WNT4: variants seen among roughly 807,000 people sequenced by gnomAD.
The protein encoded by WNT4 is protein Wnt-4.
WNT4 carries 16 observed loss-of-function variants against 34.5 expected under a neutral mutation model. The observed-to-expected ratio is 0.46, with a 90% CI of 0.31 to 0.70. The LOEUF is 0.70. WNT4 is among the 30% of genes least tolerant of loss of function. The pLI, the probability that WNT4 is intolerant of heterozygous loss-of-function variation, is 0.04. For missense variants in WNT4, 379 were observed against 495.9 expected, an observed-to-expected ratio of 0.76 and a Z score of 2.24; for synonymous variants, 200 against 211.9, an observed-to-expected ratio of 0.94 and a Z score of 0.49.
Position 22,134,643 on chromosome 1 carries a change from ATTCCTGCACGCAGGAGGCC to A in WNT4, c.78-4811_78-4793del, listed in dbSNP as rs1332634156. Among the ~76,000 whole-genome samples, 2 of 152,150 alleles carry A rather than the reference ATTCCTGCACGCAGGAGGCC, an allele frequency of 1.3e-5. No individual in the cohort carries two copies. The highest frequency in any genetic ancestry group is 2.9e-5 in the Non-Finnish European group (2 of 68,020). On this transcript the variant is annotated intron_variant, in intron 1 of 4. Transcript: ENST00000290167. The surrounding 1 kb of genome is among the most constrained non-coding windows in gnomAD (Gnocchi z 4.1). Reference sequence around the variant, plus strand: ...TCATCTGTAAAGTGGGGAGACTGGAATTCCTGCACGCAGGAGGCCTAAATGAATGAAATCTGTGTGCAGG... The same window carrying A: ...TCATCTGTAAAGTGGGGAGACTGGAATAAATGAATGAAATCTGTGTGCAGG...
chr1:22,130,569 G>A (rs1645975720), intron 1 of WNT4, among the ~76,000 whole-genome samples: 1 of 152,238 alleles, frequency 6.6e-6, no homozygotes, highest in Non-Finnish European at 1.5e-5. Flanking sequence ...TCTAGGGGTT[G>A]GCTGTGAAGA....
At chr1:22,141,126 G>A (rs1458283995) in intron 1 of WNT4, among the ~76,000 whole-genome samples, 1 of 152,170 alleles carries the variant, frequency 6.6e-6, no homozygotes, top group Non-Finnish European at 1.5e-5. Context: ...CTGAGTTTGG[G>A]CAAGTAGCTT....
chr1:22,117,527 T>G lies in WNT4; in HGVS notation c.*2523A>C, dbSNP rs1485706828. On this transcript the variant is annotated 3_prime_UTR_variant, in exon 5 of 5. Coordinates refer to ENST00000290167, the MANE Select transcript of WNT4 (RefSeq NM_030761.5). ...GCAGGATGTGGACCCTCTGGCCAAT[T>G]TCCAGGCCACGGTGAGGCCAAGAGG... 6.6e-6 allele frequency: 1 copy of G among 152,328 alleles called. No homozygotes were observed. The highest frequency in any genetic ancestry group is 2.4e-5 in the African/African-American group (1 of 41,442). 9.4% of individuals were successfully genotyped at this position (152,328 alleles called of 1,614,324 possible). A position where few individuals can be genotyped will look rare whatever the true frequency, so the allele number is the denominator to read the frequency against.
Position 22,140,466 on chromosome 1 carries a change from C to T in WNT4, c.77+2380G>A, listed in dbSNP as rs1043900451. ...GACCAAGTCCCCCTCTGTGCCTGCT[C>T]GGGCTCACACTCAGCTCTTTCCTCT... On this transcript the variant is annotated intron_variant, in intron 1 of 4. Coordinates refer to ENST00000290167, the MANE Select transcript of WNT4 (RefSeq NM_030761.5). The surrounding 1 kb of genome is among the most constrained non-coding windows in gnomAD (Gnocchi z 5.9). Among the ~76,000 whole-genome samples, 5 of 152,304 alleles carry T rather than the reference C, an allele frequency of 3.3e-5. No individual in the cohort carries two copies. Among genetic ancestry groups the T allele is most frequent in the African/African-American group, 7.2e-5 (3 of 41,574 alleles).
intron 1 of WNT4, among the ~76,000 whole-genome samples, chr1:22,138,655 G>C (rs766690120): frequency 6.6e-6 from 1 of 152,184 alleles, no homozygotes; most frequent in Non-Finnish European, 1.5e-5. Context: ...CCACGGAGGA[G>C]CTCTAAGGAG....
rs1238272354 is a variant in WNT4 at position 22,139,550 on chromosome 1, G to C, written c.77+3296C>G. On this transcript the variant is annotated intron_variant, in intron 1 of 4. Coordinates refer to ENST00000290167, the MANE Select transcript of WNT4 (RefSeq NM_030761.5). The surrounding 1 kb of genome is among the most constrained non-coding windows in gnomAD (Gnocchi z 4.6). ...ACCCGTGGGATTCTGCTAGAACCCC[G>C]CTACCCCACTACTTTCCTCAGAAAT... Among the ~76,000 whole-genome samples, 2 of 152,108 alleles carry C rather than the reference G, an allele frequency of 1.3e-5. No homozygotes were observed. The highest frequency in any genetic ancestry group is 4.1e-4 in the South Asian group (2 of 4,822).
Position 22,140,891 on chromosome 1 carries a change from C to T in WNT4, c.77+1955G>A, listed in dbSNP as rs1441270214. Among the ~76,000 whole-genome samples, 2 of 152,244 alleles carry T rather than the reference C, an allele frequency of 1.3e-5. No homozygotes were observed. Among genetic ancestry groups the T allele is most frequent in the Non-Finnish European group, 2.9e-5 (2 of 68,046 alleles). On this transcript the variant is annotated intron_variant, in intron 1 of 4. Coordinates refer to ENST00000290167, the MANE Select transcript of WNT4 (RefSeq NM_030761.5). This position sits in a 1 kb window ranked among gnomAD's most constrained non-coding sequence, Gnocchi z 5.9. ...TTCTCCTAGGCTGCCCCTCCTCACC[C>T]CACCCCCAACAGCACAGGCAGGAGA...
intron 2 of WNT4, among the ~76,000 whole-genome samples, chr1:22,124,538 C>T (rs1645926756): frequency 6.6e-6 from 1 of 152,220 alleles, no homozygotes; most frequent in African/African-American, 2.4e-5. Context: ...TTGCTATGTG[C>T]TGTCTAAGGC....
chr1:22,126,215 A>T (rs1012821553), intron 2 of WNT4, among the ~76,000 whole-genome samples: 1 of 152,152 alleles, frequency 6.6e-6, no homozygotes, highest in Non-Finnish European at 1.5e-5. Flanking sequence ...TTCACTGTCC[A>T]TCTTGCCTCC....
intron 3 of WNT4, 36 bp downstream of exon 3, chr1:22,121,409 C>T: frequency 6.2e-7 from 1 of 1,613,866 alleles, no homozygotes; most frequent in Non-Finnish European, 8.5e-7. Flanking sequence ...GGGCCAAGCC[C>T]CCTGCCCTCC....
At position 22,137,284 on chromosome 1, in the gene WNT4, G is replaced by A. The variant is rs1483071234; in HGVS notation, c.77+5562C>T. Reference sequence around the variant, plus strand: ...CACGGCAGGGAGCGAGCCGTCCCGAGTTTGGCTGAATCACAGAAGATGCAG... The same window carrying A: ...CACGGCAGGGAGCGAGCCGTCCCGAATTTGGCTGAATCACAGAAGATGCAG... On this transcript the variant is annotated intron_variant, in intron 1 of 4. Transcript: ENST00000290167. This position sits in a 1 kb window ranked among gnomAD's most constrained non-coding sequence, Gnocchi z 5.3. 6.6e-6 allele frequency among the ~76,000 whole-genome samples: 1 copy of A among 152,202 alleles called. No homozygotes were observed. Among genetic ancestry groups the A allele is most frequent in the Non-Finnish European group, 1.5e-5 (1 of 68,036 alleles).
chr1:22,136,094 A>G (rs1436610366), intron 1 of WNT4, among the ~76,000 whole-genome samples: 1 of 151,898 alleles, frequency 6.6e-6, no homozygotes, highest in Admixed American at 6.6e-5. Flanking sequence ...CCCATTTCCC[A>G]TCTCACTGTA....
chr1:22,121,553 A>G lies in WNT4; in HGVS notation c.337T>C (p.Tyr113His). ...TQGTREAAFV[Y>H]AISSAGVAFA... ...GCCACACCTGCCGAAGAGATGGCGT[A>G]CACGAAGGCCGCCTCCCGAGTCCCT... is the stretch of plus-strand genomic sequence containing the variant. The change falls in exon 3 of 5, where the codon TAC (tyrosine) becomes CAC (histidine). Residue 113 changes from tyrosine (Y) to histidine (H), a missense_variant. Transcript: ENST00000290167. 1 of 1,613,800 alleles carries G rather than the reference A, an allele frequency of 6.2e-7. No homozygotes were observed. The highest frequency in any genetic ancestry group is 8.5e-7 in the Non-Finnish European group (1 of 1,180,022).
intron 2 of WNT4, among the ~76,000 whole-genome samples, chr1:22,123,501 G>A (rs1283128032): frequency 6.6e-6 from 1 of 152,166 alleles, no homozygotes; most frequent in Non-Finnish European, 1.5e-5. Context: ...TAATAATAAC[G>A]AGCTAAAGCT....
Position 22,139,025 on chromosome 1 carries a change from G to A in WNT4, c.77+3821C>T, listed in dbSNP as rs1310856362. On this transcript the variant is annotated intron_variant, in intron 1 of 4. Transcript: ENST00000290167. This position sits in a 1 kb window ranked among gnomAD's most constrained non-coding sequence, Gnocchi z 4.6. ...GCAACTCCTCTGCCTGGCAAGATTG[G>A]CTTGTGAGCCAGGCTAGGTCTTCCT... Among the ~76,000 whole-genome samples, 2 of 152,212 alleles carry A rather than the reference G, an allele frequency of 1.3e-5. No individual in the cohort carries two copies. The highest frequency in any genetic ancestry group is 2.9e-5 in the Non-Finnish European group (2 of 68,020).
In WNT4 at chr1:22,121,429, C is replaced by T; in HGVS notation, c.445+16G>A. On this transcript the variant is annotated intron_variant, in intron 3 of 4. Transcript: ENST00000290167. The stretch of plus-strand genomic sequence containing the variant: ...AAGCCCCCTGCCCTCCCACTCTGAC[C>T]ACCTCCTGCACCTACCCTGTGGGCT... 6.2e-7 allele frequency: 1 copy of T among 1,613,958 alleles called. No homozygotes were observed. The highest frequency in any genetic ancestry group is 8.5e-7 in the Non-Finnish European group (1 of 1,180,022).
In WNT4 at chr1:22,137,242, G is replaced by A. The variant is rs1167944879; in HGVS notation, c.77+5604C>T. Reference sequence around the variant, plus strand: ...TTTCAGTTTGCCAGGACATGGGGGAGGGGGAGCTGGTGGGGTCACGGCAGG... The same window carrying A: ...TTTCAGTTTGCCAGGACATGGGGGAAGGGGAGCTGGTGGGGTCACGGCAGG... On this transcript the variant is annotated intron_variant, in intron 1 of 4. Transcript: ENST00000290167. The surrounding 1 kb of genome is among the most constrained non-coding windows in gnomAD (Gnocchi z 5.3). Among the ~76,000 whole-genome samples, 2 of 152,346 alleles carry A rather than the reference G, an allele frequency of 1.3e-5. No individual in the cohort carries two copies. The highest frequency in any genetic ancestry group is 3.4e-3 in the Middle Eastern group (1 of 294).
Position 22,142,179 on chromosome 1 carries a change from C to T in WNT4, c.77+667G>A, listed in dbSNP as rs1339218267. Among the ~76,000 whole-genome samples, 2 of 152,196 alleles carry T rather than the reference C, an allele frequency of 1.3e-5. No homozygotes were observed. The highest frequency in any genetic ancestry group is 2.9e-5 in the Non-Finnish European group (2 of 68,026). Reference sequence around the variant, plus strand: ...CGGTTACCACCCCTTCCTCCTTAGGCTAGACACGGGGAGCTGGGGGGCCGT... The same window carrying T: ...CGGTTACCACCCCTTCCTCCTTAGGTTAGACACGGGGAGCTGGGGGGCCGT... On this transcript the variant is annotated intron_variant, in intron 1 of 4. Transcript: ENST00000290167. This position sits in a 1 kb window ranked among gnomAD's most constrained non-coding sequence, Gnocchi z 6.0.
At position 22,121,592 on chromosome 1, in the gene WNT4, G is replaced by T; in HGVS notation, c.314-16C>A. 1.9e-6 allele frequency: 3 copies of T among 1,611,332 alleles called. No individual in the cohort carries two copies. Among genetic ancestry groups the T allele is most frequent in the Non-Finnish European group, 2.5e-6 (3 of 1,179,888 alleles). The stretch of plus-strand genomic sequence containing the variant: ...TCCCGAGTCCCTGTGGGAGGCAGAG[G>T]GAGGGCAGAGCTGGGTCCCAGGGCT... On this transcript the variant is annotated splice_polypyrimidine_tract_variant and intron_variant, in intron 2 of 4. Coordinates refer to ENST00000290167, the MANE Select transcript of WNT4 (RefSeq NM_030761.5).
Sources: allele counts gnomAD v4.1 joint callset (sites outside exome capture counted in the v4.1 genomes callset), GRCh38; gene constraint gnomAD v4.1.1; non-coding constraint Gnocchi (gnomAD v3.1); transcripts MANE v1.5; gene names NCBI Gene and HGNC (gene_info 2026-07-23, HGNC 2026-07-21).